Variants in ARHGAP8 observed in about 807,000 individuals in gnomAD.
ARHGAP8 encodes rho GTPase-activating protein 8.
Under a neutral mutation model 46.1 loss-of-function variants are expected in ARHGAP8, and 62 were observed. The observed-to-expected ratio is 1.34, with a 90% CI of 1.10 to 1.66. The LOEUF (loss-of-function observed/expected upper bound fraction) is 1.66, where lower values mean the gene tolerates loss of function less well. ARHGAP8 is among the 40% of genes most tolerant of loss of function. The pLI, the probability that ARHGAP8 is intolerant of heterozygous loss-of-function variation, is 0.00. For synonymous variants in ARHGAP8, 375 were observed against 243.1 expected, an observed-to-expected ratio of 1.54 and a Z score of -5.05; for missense variants, 923 against 568.4, an observed-to-expected ratio of 1.62 and a Z score of -6.34.
chr22:44,806,797 A>G (rs1928953022), intron 3 of ARHGAP8, among the ~76,000 whole-genome samples: 1 of 151,874 alleles, frequency 6.6e-6, no homozygotes, highest in African/African-American at 2.4e-5. Flanking sequence ...TACTAAAAAT[A>G]ATAGTAATTA....
intron 10 of ARHGAP8, among the ~76,000 whole-genome samples, chr22:44,856,380 T>A (rs938865264): frequency 1.5e-4 from 22 of 149,672 alleles, no homozygotes; most frequent in Middle Eastern, 3.5e-3. Flanking sequence ...TTCAAGTGAT[T>A]GTCCTGCCTC....
At position 44,862,377 on chromosome 22, in the gene ARHGAP8, GC is replaced by G; in HGVS notation, c.1087del (p.Val364CysfsTer3). 6.2e-7 allele frequency: 1 copy of G among 1,614,180 alleles called. No homozygotes were observed. Among genetic ancestry groups the G allele is most frequent in the South Asian group, 1.1e-5 (1 of 91,076 alleles). ...WPSQGVSSLS[A>X]LVPLNMFTEL... Reference sequence around the variant, plus strand: ...ATCCCAGGGGGTCTCCTCCCTGAGTGCCCTTGTGCCCCTGAACATGTTCACT... The same window carrying G: ...ATCCCAGGGGGTCTCCTCCCTGAGTGCCTTGTGCCCCTGAACATGTTCACT... On this transcript the variant is annotated frameshift_variant, in exon 12 of 12. Coordinates refer to ENST00000356099, the MANE Select transcript of ARHGAP8 (RefSeq NM_181335.3). LOFTEE classifies it low-confidence loss of function (END_TRUNC).
intron 1 of ARHGAP8, among the ~76,000 whole-genome samples, chr22:44,768,675 T>C (rs1925777395): frequency 6.6e-6 from 1 of 152,032 alleles, no homozygotes; most frequent in African/African-American, 2.4e-5. Context: ...CACCGAAGGC[T>C]TAATTAGATT....
chr22:44,778,206 A>G (rs1299690985), intron 1 of ARHGAP8, among the ~76,000 whole-genome samples: 1 of 151,818 alleles, frequency 6.6e-6, no homozygotes, highest in Non-Finnish European at 1.5e-5. Context: ...CTAAGTCCCC[A>G]AAGTCCATTG....
At chr22:44,814,524 C>T in intron 4 of ARHGAP8, 148 bp from the exon 5 acceptor site, 1 of 685,072 alleles carries the variant, frequency 1.5e-6, no homozygotes. Flanking sequence ...GAGTTTATTT[C>T]ATTCTTTGTT....
chr22:44,763,831 CAA>C (rs947299107), intron 1 of ARHGAP8, among the ~76,000 whole-genome samples: 1 of 132,096 alleles, frequency 7.6e-6, no homozygotes, highest in Non-Finnish European at 1.6e-5. Flanking sequence ...GACGGAGTCT[CAA>C]AAAAAGTACA....
At chr22:44,780,897 T>C (rs1177248025) in intron 1 of ARHGAP8, among the ~76,000 whole-genome samples, 2 of 152,160 alleles carry the variant, frequency 1.3e-5, no homozygotes, top group South Asian at 2.1e-4. Context: ...CTAGGTTCTG[T>C]TTCCCATTTT....
intron 7 of ARHGAP8, among the ~76,000 whole-genome samples, chr22:44,828,467 T>C (rs75386247): frequency 6.8e-6 from 1 of 147,162 alleles, no homozygotes; most frequent in Admixed American, 6.8e-5. Flanking sequence ...ATTTTTTTTT[T>C]GAAATGGAGT....
At chr22:44,762,703 C>A (rs1271487803) in intron 1 of ARHGAP8, among the ~76,000 whole-genome samples, 1 of 152,014 alleles carries the variant, frequency 6.6e-6, no homozygotes, top group Admixed American at 6.6e-5. Flanking sequence ...ACCACCCCTC[C>A]TGGCTAATTT....
At chr22:44,834,875 A>G (rs1283946054) in intron 7 of ARHGAP8, among the ~76,000 whole-genome samples, 1 of 152,148 alleles carries the variant, frequency 6.6e-6, no homozygotes, top group Non-Finnish European at 1.5e-5. Flanking sequence ...CACTAGTAAC[A>G]ATTTTTGTGT....
At chr22:44,860,044 A>ACCTGCC (rs2070393764) in intron 11 of ARHGAP8, among the ~76,000 whole-genome samples, 1 of 152,024 alleles carries the variant, frequency 6.6e-6, no homozygotes, top group Non-Finnish European at 1.5e-5. Context: ...GACAGGGCGT[A>ACCTGCC]CCTGCCCCTG....
At chr22:44,803,901 C>G (rs1476265003) in intron 3 of ARHGAP8, among the ~76,000 whole-genome samples, 1 of 151,378 alleles carries the variant, frequency 6.6e-6, no homozygotes, top group Non-Finnish European at 1.5e-5. Context: ...ACTGGGTGTT[C>G]AGAGTGAAAG....
At chr22:44,782,822 AG>A (rs1276898583) in intron 1 of ARHGAP8, among the ~76,000 whole-genome samples, 1 of 152,164 alleles carries the variant, frequency 6.6e-6, no homozygotes, top group Non-Finnish European at 1.5e-5. Flanking sequence ...GTATTTGCTC[AG>A]TCCCCGTCTC....
chr22:44,756,123 C>T (rs1483130148), intron 1 of ARHGAP8, among the ~76,000 whole-genome samples: 1 of 152,030 alleles, frequency 6.6e-6, no homozygotes. Context: ...TCTTCAGTGG[C>T]CTGGACTTTG....
At chr22:44,825,703 C>A in intron 7 of ARHGAP8, 110 bp downstream of exon 7, 2 of 1,277,700 alleles carry the variant, frequency 1.6e-6, no homozygotes, top group East Asian at 2.6e-5. Context: ...AGCAGCCAAG[C>A]TGAACCCTGC....
At chr22:44,824,481 A>G (rs1173931559) in intron 6 of ARHGAP8, among the ~76,000 whole-genome samples, 1 of 152,212 alleles carries the variant, frequency 6.6e-6, no homozygotes. Flanking sequence ...CGAGCTGCCA[A>G]CTAATGGTCA....
chr22:44,845,889 C>A (rs1001491423), intron 8 of ARHGAP8, among the ~76,000 whole-genome samples: 2 of 152,118 alleles, frequency 1.3e-5, no homozygotes, highest in African/African-American at 4.8e-5. Flanking sequence ...GAGGTTCCCA[C>A]GGAGGAGCAG....
chr22:44,862,299 A>G lies in ARHGAP8; in HGVS notation c.1006A>G (p.Lys336Glu), dbSNP rs770106571. Reference sequence around the variant, plus strand: ...GGTGTCCCGGGAGAGCATCTTCAACAAAATGAACAGCTCTAACCTGGCCTG... The same window carrying G: ...GGTGTCCCGGGAGAGCATCTTCAACGAAATGAACAGCTCTAACCTGGCCTG... The part of the protein sequence containing the change: ...HAVSRESIFN[K>E]MNSSNLACVF... The change falls in exon 12 of 12, where the codon AAA becomes GAA. Residue 336 changes from lysine (K) to glutamate (E), a missense_variant. Transcript: ENST00000356099. The G allele has an allele frequency of 5.0e-6, 8 of 1,599,186 alleles. 1 individual carries two copies. The South Asian group carries it at 8.8e-5, about 18-fold the overall frequency.
rs753187086 is a variant in ARHGAP8 at position 44,862,481 on chromosome 22, ACAGGGGAG to A, written c.1194_1201del (p.Arg400ProfsTer72). On this transcript the variant is annotated frameshift_variant, in exon 12 of 12. Coordinates refer to ENST00000356099, the MANE Select transcript of ARHGAP8 (RefSeq NM_181335.3). LOFTEE classifies it low-confidence loss of function (END_TRUNC). ...GGGAGCACGGCCTGGCACCATGGGA[ACAGGGGAG>A]CAGGGCAGCCCCTTTGCAGGAGGCT... 2.1e-4 allele frequency: 339 copies of A among 1,613,588 alleles called. No homozygotes were observed. Among genetic ancestry groups the A allele is most frequent in the African/African-American group, 1.0e-3 (77 of 75,032 alleles).
Sources: gnomAD v4.1 joint callset for allele counts (sites outside exome capture counted in the v4.1 genomes callset) on GRCh38, gnomAD v4.1.1 for gene constraint, MANE v1.5 for transcripts, NCBI Gene and HGNC (gene_info 2026-07-23, HGNC 2026-07-21) for gene names.